The following RAD51B variants were observed in gnomAD, a reference collection of about 807,000 sequenced individuals.
RAD51B encodes the protein RAD51 paralog B.
RAD51B carries 38 observed loss-of-function variants against 42.2 expected under a neutral mutation model. That is an observed-to-expected ratio of 0.90 (90% CI 0.70 to 1.18). The LOEUF (loss-of-function observed/expected upper bound fraction) is 1.18, where lower values mean the gene tolerates loss of function less well. Ranked by LOEUF, RAD51B falls within the 50% of genes most tolerant of loss-of-function variation. The pLI is 0.00. For missense variants in RAD51B, 373 were observed against 400.7 expected (o/e 0.93, Z 0.59); for synonymous variants, 154 against 145.2 (o/e 1.06, Z -0.43).
chr14:68,208,135 A>G (rs536451222), intron 7 of RAD51B, among the ~76,000 whole-genome samples: 1 of 151,892 alleles, frequency 6.6e-6, no homozygotes, highest in Admixed American at 6.6e-5. Context: ...AAAAAACAAC[A>G]TATTTCCTCA....
intron 7 of RAD51B, among the ~76,000 whole-genome samples, chr14:68,027,091 G>T (rs2075967456): frequency 6.6e-6 from 1 of 152,062 alleles, no homozygotes; most frequent in East Asian, 1.9e-4. Flanking sequence ...TTTTTCCTTA[G>T]TTTATGAAGC....
chr14:68,168,815 A>C (rs1295976719), intron 7 of RAD51B, among the ~76,000 whole-genome samples: 1 of 152,230 alleles, frequency 6.6e-6, no homozygotes, highest in African/African-American at 2.4e-5. Context: ...ATGTGCAATT[A>C]CTACTAAAAC....
chr14:68,161,472 G>A (rs2078637550), intron 7 of RAD51B, among the ~76,000 whole-genome samples: 1 of 152,142 alleles, frequency 6.6e-6, no homozygotes, highest in Non-Finnish European at 1.5e-5. Context: ...AAGGCCTGGC[G>A]AATGCAATTA....
At chr14:68,509,594 A>G (rs571898112) in intron 10 of RAD51B, among the ~76,000 whole-genome samples, 1 of 152,364 alleles carries the variant, frequency 6.6e-6, no homozygotes, top group South Asian at 2.1e-4. Flanking sequence ...AGACTTTGGT[A>G]TGGGGTGGGA....
intron 7 of RAD51B, among the ~76,000 whole-genome samples, chr14:67,910,815 A>ATTTT (rs575568902): frequency 6.9e-6 from 1 of 144,512 alleles, no homozygotes; most frequent in African/African-American, 2.5e-5. Flanking sequence ...GCCCAATGTC[A>ATTTT]TTTTTTTTTT....
chr14:68,334,438 T>C (rs2082406682), intron 8 of RAD51B, among the ~76,000 whole-genome samples: 1 of 152,198 alleles, frequency 6.6e-6, no homozygotes, highest in South Asian at 2.1e-4. Context: ...GTCTACACAT[T>C]GAGTAGGCTG....
intron 7 of RAD51B, among the ~76,000 whole-genome samples, chr14:67,902,435 C>G (rs920125055): frequency 6.6e-6 from 1 of 152,090 alleles, no homozygotes; most frequent in African/African-American, 2.4e-5. Flanking sequence ...GTTATTTGAA[C>G]AATGAATCAG....
intron 7 of RAD51B, among the ~76,000 whole-genome samples, chr14:68,238,584 C>T (rs776729800): frequency 7.2e-5 from 11 of 152,172 alleles, no homozygotes; most frequent in Admixed American, 1.3e-4. Flanking sequence ...GGATTACAGG[C>T]ATGAGCCACT....
At chr14:68,314,911 A>G (rs1481518867) in intron 8 of RAD51B, among the ~76,000 whole-genome samples, 1 of 152,294 alleles carries the variant, frequency 6.6e-6, no homozygotes, top group East Asian at 1.9e-4. Context: ...AGCTAGTGAC[A>G]CTTTGCATGG....
chr14:68,310,202 G>A (rs1376628564), intron 8 of RAD51B, among the ~76,000 whole-genome samples: 3 of 152,176 alleles, frequency 2.0e-5, no homozygotes, highest in Admixed American at 6.5e-5. Context: ...TCTCTCCTGT[G>A]TAAAAGGCCC....
At chr14:68,305,721 T>C (rs797015849) in intron 8 of RAD51B, among the ~76,000 whole-genome samples, 10 of 152,352 alleles carry the variant, frequency 6.6e-5, no homozygotes, top group African/African-American at 2.2e-4. Flanking sequence ...TGGTCTGTCC[T>C]GACTCACTGT....
At chr14:68,259,235 C>T (rs370696757) in intron 7 of RAD51B, among the ~76,000 whole-genome samples, 1 of 146,200 alleles carries the variant, frequency 6.8e-6, no homozygotes, top group African/African-American at 2.5e-5. Flanking sequence ...TAAAAGCTCT[C>T]ATTGTTCAAT....
intron 8 of RAD51B, among the ~76,000 whole-genome samples, chr14:68,400,623 T>C (rs1175515271): frequency 6.6e-6 from 1 of 152,120 alleles, no homozygotes; most frequent in East Asian, 1.9e-4. Context: ...CTGAAAGGTG[T>C]GGTCTGAGGA....
intron 7 of RAD51B, among the ~76,000 whole-genome samples, chr14:68,281,938 C>T (rs1369874361): frequency 6.6e-6 from 1 of 151,388 alleles, no homozygotes; most frequent in African/African-American, 2.4e-5. Context: ...GGCAGTAGGG[C>T]TTGTGCCTCA....
intron 7 of RAD51B, among the ~76,000 whole-genome samples, chr14:68,281,139 G>C (rs2081312882): frequency 6.6e-6 from 1 of 152,116 alleles, no homozygotes; most frequent in African/African-American, 2.4e-5. Context: ...GGCTAGAATA[G>C]TTAGCAAAGA....
intron 7 of RAD51B, among the ~76,000 whole-genome samples, chr14:68,176,245 G>A (rs1217952051): frequency 2.0e-5 from 3 of 152,054 alleles, no homozygotes; most frequent in Admixed American, 1.3e-4. Context: ...ATTTTTCTGG[G>A]GCTTTGTATG....
chr14:68,006,706 A>T (rs2075598237), intron 7 of RAD51B, among the ~76,000 whole-genome samples: 1 of 152,108 alleles, frequency 6.6e-6, no homozygotes, highest in South Asian at 2.1e-4. Context: ...CCAATTTTTT[A>T]TTGATAGGAA....
intron 7 of RAD51B, among the ~76,000 whole-genome samples, chr14:68,032,667 T>C (rs2076065596): frequency 6.6e-6 from 1 of 152,194 alleles, no homozygotes; most frequent in Admixed American, 6.5e-5. Context: ...ATTGTGACAA[T>C]AGCCTTCTAC....
intron 8 of RAD51B, among the ~76,000 whole-genome samples, chr14:68,370,474 C>T (rs2139946329): frequency 6.6e-6 from 1 of 152,262 alleles, no homozygotes; most frequent in Non-Finnish European, 1.5e-5. Context: ...GGATTTTATC[C>T]TAAGCATAAT....
Sources: allele counts gnomAD v4.1 joint callset (sites outside exome capture counted in the v4.1 genomes callset), GRCh38; gene constraint gnomAD v4.1.1; transcripts MANE v1.5; gene names NCBI Gene and HGNC (gene_info 2026-07-23, HGNC 2026-07-21).